ALOX5: variants seen among roughly 807,000 people sequenced by gnomAD.
ALOX5 encodes the protein polyunsaturated fatty acid 5-lipoxygenase.
A neutral mutation model predicts 87.9 loss-of-function variants in ALOX5; 64 were observed. The observed-to-expected ratio is 0.73, with a 90% CI of 0.60 to 0.90. ALOX5 has a LOEUF of 0.90. Ranked by LOEUF, ALOX5 falls within the 40% of genes least tolerant of loss-of-function variation. The pLI is 0.00. For synonymous variants in ALOX5, 388 were observed against 355.1 expected, an observed-to-expected ratio of 1.09 and a Z score of -1.04; for missense variants, 822 against 907.5, an observed-to-expected ratio of 0.91 and a Z score of 1.21.
At chr10:45,397,814 C>T (rs1840565197) in intron 3 of ALOX5, among the ~76,000 whole-genome samples, 1 of 152,104 alleles carries the variant, frequency 6.6e-6, no homozygotes, top group African/African-American at 2.4e-5. Context: ...AATGAAACTA[C>T]AAAACATTGT....
intron 3 of ALOX5, among the ~76,000 whole-genome samples, chr10:45,410,972 A>G (rs1841041765): frequency 6.6e-6 from 1 of 152,238 alleles, no homozygotes; most frequent in Non-Finnish European, 1.5e-5. Flanking sequence ...GACTGAGCAT[A>G]CTTACAGTCA....
chr10:45,392,297 C>A (rs191178220), intron 2 of ALOX5, among the ~76,000 whole-genome samples: 1 of 152,094 alleles, frequency 6.6e-6, no homozygotes, highest in African/African-American at 2.4e-5. Context: ...ATTGAGAAAT[C>A]GGATGGTTGC....
intron 2 of ALOX5, among the ~76,000 whole-genome samples, chr10:45,385,099 G>A (rs1463795059): frequency 1.3e-5 from 2 of 152,076 alleles, no homozygotes; most frequent in African/African-American, 2.4e-5. Context: ...CACCCGGCTC[G>A]GCCTCCCAAA....
At chr10:45,409,092 G>A (rs772171493) in intron 3 of ALOX5, among the ~76,000 whole-genome samples, 14 of 152,154 alleles carry the variant, frequency 9.2e-5, no homozygotes, top group South Asian at 4.1e-4. Flanking sequence ...CAATCACAGC[G>A]GCCAGACTTC....
chr10:45,375,188 C>T (rs755240179), intron 1 of ALOX5, among the ~76,000 whole-genome samples: 2 of 151,966 alleles, frequency 1.3e-5, no homozygotes, highest in Admixed American at 1.3e-4. Flanking sequence ...GGCTGCACTC[C>T]CTCCCAGCAG....
intron 8 of ALOX5, 133 bp downstream of exon 8, chr10:45,440,766 CAG>C: frequency 2.0e-6 from 2 of 996,684 alleles, no homozygotes; most frequent in Non-Finnish European, 2.9e-6. Flanking sequence ...GAGATGTTCT[CAG>C]AGTCAGTAAT....
chr10:45,430,774 A>G (rs1314931208), intron 7 of ALOX5, among the ~76,000 whole-genome samples: 2 of 152,222 alleles, frequency 1.3e-5, no homozygotes, highest in African/African-American at 4.8e-5. Flanking sequence ...CAATTTCCAT[A>G]TAGTGATTGG....
intron 3 of ALOX5, among the ~76,000 whole-genome samples, chr10:45,400,342 G>A (rs1589005303): frequency 6.6e-6 from 1 of 152,348 alleles, no homozygotes; most frequent in African/African-American, 2.4e-5. Context: ...GCTCACACCT[G>A]TAATCCTAGC....
At chr10:45,388,045 G>A (rs561667162) in intron 2 of ALOX5, among the ~76,000 whole-genome samples, 179 of 152,330 alleles carry the variant, frequency 1.2e-3, no homozygotes, top group African/African-American at 4.0e-3. Context: ...GCCAAGGGAA[G>A]TGGTGACGGA....
chr10:45,429,108 G>T (rs752667340), intron 7 of ALOX5, among the ~76,000 whole-genome samples: 1 of 152,184 alleles, frequency 6.6e-6, no homozygotes, highest in African/African-American at 2.4e-5. Context: ...GACCACTGAG[G>T]GGCACCATGG....
At chr10:45,431,301 G>A (rs900998622) in intron 7 of ALOX5, among the ~76,000 whole-genome samples, 2 of 151,856 alleles carry the variant, frequency 1.3e-5, no homozygotes, top group Non-Finnish European at 2.9e-5. Context: ...TTATTTTAGA[G>A]GTCATACCAC....
Position 45,445,777 on chromosome 10 carries a change from G to T in ALOX5, c.*90G>T. The T allele has an allele frequency of 7.1e-7, 1 of 1,402,876 alleles. No individual in the cohort carries two copies. The highest frequency in any genetic ancestry group is 2.3e-5 in the East Asian group (1 of 43,266). The allele number at this position is 1,402,876 out of a possible 1,614,324, so 86.9% of individuals were successfully genotyped here. On this transcript the variant is annotated 3_prime_UTR_variant, in exon 14 of 14. Transcript: ENST00000374391. The stretch of plus-strand genomic sequence containing the variant: ...GCAGGCTGTCTGGCCAGGCCTCTTG[G>T]CAGTCACATCTCTTCCTCCGAGGCC...
chr10:45,427,981 C>T (rs1841783181), intron 6 of ALOX5, among the ~76,000 whole-genome samples: 1 of 152,058 alleles, frequency 6.6e-6, no homozygotes, highest in Admixed American at 6.5e-5. Context: ...CCCCACCTCC[C>T]CAGCCACTGC....
intron 4 of ALOX5, among the ~76,000 whole-genome samples, chr10:45,420,598 G>A (rs1407294111): frequency 6.6e-6 from 1 of 152,246 alleles, no homozygotes; most frequent in African/African-American, 2.4e-5. Context: ...CTTGGCTGAA[G>A]TCACCGAGGA....
intron 4 of ALOX5, among the ~76,000 whole-genome samples, chr10:45,414,504 A>G (rs1486289422): frequency 1.3e-5 from 2 of 152,220 alleles, no homozygotes. Flanking sequence ...AACCTAGGCA[A>G]TACCATTCAG....
intron 2 of ALOX5, among the ~76,000 whole-genome samples, chr10:45,393,097 A>G (rs2132709468): frequency 6.6e-6 from 1 of 152,332 alleles, no homozygotes; most frequent in South Asian, 2.1e-4. Context: ...TCCCTAACTC[A>G]TTTTATGAGG....
At chr10:45,444,470 C>T (rs1842368930) in intron 13 of ALOX5, 184 bp downstream of exon 13, 11 of 821,536 alleles carry the variant, frequency 1.3e-5, no homozygotes. Flanking sequence ...CTGGACAGAG[C>T]TCAGGGTGTG....
chr10:45,390,667 G>C (rs1295202438), intron 2 of ALOX5, among the ~76,000 whole-genome samples: 2 of 152,186 alleles, frequency 1.3e-5, no homozygotes, highest in Non-Finnish European at 2.9e-5. Context: ...CAACATACCA[G>C]AATCTCTGGG....
At chr10:45,427,622 A>C (rs1307112520) in intron 6 of ALOX5, among the ~76,000 whole-genome samples, 1 of 152,164 alleles carries the variant, frequency 6.6e-6, no homozygotes, top group Admixed American at 6.5e-5. Context: ...GGCAGAGTAG[A>C]TACTGACCCC....
Sources: allele counts gnomAD v4.1 joint callset (sites outside exome capture counted in the v4.1 genomes callset), GRCh38; gene constraint gnomAD v4.1.1; transcripts MANE v1.5; gene names NCBI Gene and HGNC (gene_info 2026-07-23, HGNC 2026-07-21).